The following ADAMTSL1 variants were observed in gnomAD, a reference collection of about 807,000 sequenced individuals.
The protein encoded by ADAMTSL1 is ADAMTS-like protein 1.
In ADAMTSL1, 126 loss-of-function variants were observed where a neutral mutation model predicts 201.8. The observed-to-expected ratio is 0.62, with a 90% CI of 0.54 to 0.72. The LOEUF (loss-of-function observed/expected upper bound fraction) is 0.72, where lower values mean the gene tolerates loss of function less well. Among genes scored for constraint, ADAMTSL1 ranks in the 30% least tolerant of loss-of-function variants. ADAMTSL1 has a pLI of 0.00. For missense variants in ADAMTSL1, 2,679 were observed against 2,277.8 expected, an observed-to-expected ratio of 1.18 and a Z score of -3.59; for synonymous variants, 1,121 against 903.4, an observed-to-expected ratio of 1.24 and a Z score of -4.32.
At chr9:18,305,810 G>C (rs1049095751) in intron 2 of ADAMTSL1, among the ~76,000 whole-genome samples, 2 of 152,162 alleles carry the variant, frequency 1.3e-5, no homozygotes, top group African/African-American at 4.8e-5. Context: ...CCTGCCTGTT[G>C]GCCTTGAAGA....
intron 1 of ADAMTSL1, among the ~76,000 whole-genome samples, chr9:18,063,151 C>G (rs1170044132): frequency 2.0e-5 from 3 of 151,958 alleles, no homozygotes; most frequent in Non-Finnish European, 2.9e-5. Context: ...GCCAGGAGTT[C>G]AAGACATAGT....
chr9:18,213,629 TC>T (rs1171159174), intron 2 of ADAMTSL1, among the ~76,000 whole-genome samples: 2 of 152,224 alleles, frequency 1.3e-5, no homozygotes, highest in African/African-American at 4.8e-5. Context: ...GAAATCTATT[TC>T]TTTGATATAT....
At chr9:18,747,763 A>T (rs6475242) in intron 15 of ADAMTSL1, among the ~76,000 whole-genome samples, 1 of 151,950 alleles carries the variant, frequency 6.6e-6, no homozygotes, top group East Asian at 1.9e-4. Flanking sequence ...ATGCATGGCT[A>T]AGGGTGCTCT....
At chr9:18,446,982 T>TTTTTTTTTTTTTTTTGAG (rs1563966224) in intron 2 of ADAMTSL1, among the ~76,000 whole-genome samples, 2 of 151,924 alleles carry the variant, frequency 1.3e-5, no homozygotes, top group African/African-American at 4.8e-5. Flanking sequence ...TTTTTTTTTT[T>TTTTTTTTTTTTTTTTGAG]AAACAAAACT....
At chr9:18,691,133 A>T (rs1479471051) in intron 13 of ADAMTSL1, among the ~76,000 whole-genome samples, 1 of 152,244 alleles carries the variant, frequency 6.6e-6, no homozygotes, top group Non-Finnish European at 1.5e-5. Flanking sequence ...ATATCATATC[A>T]TGAGAGAGTT....
chr9:18,417,383 A>AG (rs1413929271), intron 2 of ADAMTSL1, among the ~76,000 whole-genome samples: 10 of 123,010 alleles, frequency 8.1e-5, no homozygotes, highest in African/African-American at 2.6e-4. Context: ...AAAAAAAAAG[A>AG]AAAAAAAAAC....
intron 13 of ADAMTSL1, among the ~76,000 whole-genome samples, chr9:18,698,048 T>C (rs956128736): frequency 6.6e-5 from 10 of 152,248 alleles, no homozygotes; most frequent in African/African-American, 2.4e-4. Context: ...TTGTTCAGAT[T>C]TAATAACTTT....
At chr9:18,473,990 G>T (rs980356439), upstream of ADAMTSL1, 1 of 457,690 alleles carries the variant, frequency 2.2e-6, no homozygotes, top group Non-Finnish European at 3.9e-6. Flanking sequence ...TCCTGGCTTT[G>T]TTATTCAGCA....
intron 21 of ADAMTSL1, among the ~76,000 whole-genome samples, chr9:18,821,991 C>G (rs1824240116): frequency 6.6e-6 from 1 of 152,210 alleles, no homozygotes; most frequent in African/African-American, 2.4e-5. Flanking sequence ...CCCAGTATGA[C>G]TAAGCTCTTT....
intron 23 of ADAMTSL1, among the ~76,000 whole-genome samples, chr9:18,846,450 C>T (rs188724519): frequency 1.2e-4 from 19 of 152,214 alleles, no homozygotes; most frequent in Middle Eastern, 3.4e-3. Flanking sequence ...AATAGAAAAC[C>T]TTTCAAGAAC....
intron 15 of ADAMTSL1, among the ~76,000 whole-genome samples, chr9:18,732,804 C>T (rs978963548): frequency 6.6e-6 from 1 of 152,318 alleles, no homozygotes. Context: ...CATATCCTTG[C>T]TGACCTTCAC....
intron 2 of ADAMTSL1, among the ~76,000 whole-genome samples, chr9:18,221,213 T>A (rs1830246494): frequency 6.6e-6 from 1 of 152,234 alleles, no homozygotes; most frequent in South Asian, 2.1e-4. Flanking sequence ...TGCTTTGTTT[T>A]TAACCCCCGC....
intron 1 of ADAMTSL1, among the ~76,000 whole-genome samples, chr9:18,116,701 T>G (rs2131900541): frequency 6.6e-6 from 1 of 152,304 alleles, no homozygotes; most frequent in East Asian, 1.9e-4. Flanking sequence ...TTTTTATGGT[T>G]TAAATACTTT....
intron 2 of ADAMTSL1, among the ~76,000 whole-genome samples, chr9:18,446,408 T>C (rs1820194202): frequency 6.6e-6 from 1 of 152,270 alleles, no homozygotes; most frequent in Admixed American, 6.5e-5. Context: ...AAATTTGTTT[T>C]TGTTTCTTTA....
chr9:18,549,635 T>C (rs1368171411), intron 3 of ADAMTSL1, among the ~76,000 whole-genome samples: 2 of 152,034 alleles, frequency 1.3e-5, no homozygotes, highest in Non-Finnish European at 2.9e-5. Context: ...TCTGGGACTA[T>C]TGAACTTCCC....
intron 2 of ADAMTSL1, among the ~76,000 whole-genome samples, chr9:18,403,710 C>T (rs1219295265): frequency 1.3e-5 from 2 of 152,146 alleles, no homozygotes; most frequent in Non-Finnish European, 2.9e-5. Flanking sequence ...TGTCTTTCCT[C>T]ACCACACTGT....
At chr9:17,996,853 G>C (rs1819401621) in intron 1 of ADAMTSL1, among the ~76,000 whole-genome samples, 1 of 152,136 alleles carries the variant, frequency 6.6e-6, no homozygotes, top group Admixed American at 6.5e-5. Context: ...GGCAGCATTT[G>C]TTATTGCATA....
At chr9:18,139,008 C>A (rs1210541547) in intron 1 of ADAMTSL1, among the ~76,000 whole-genome samples, 1 of 152,072 alleles carries the variant, frequency 6.6e-6, no homozygotes, top group East Asian at 1.9e-4. Flanking sequence ...ACTAAGGAAC[C>A]TTGCAGGAGA....
chr9:18,751,189 C>T (rs1432073274), intron 15 of ADAMTSL1, among the ~76,000 whole-genome samples: 6 of 152,178 alleles, frequency 3.9e-5, no homozygotes, highest in African/African-American at 1.4e-4. Flanking sequence ...TTAACTCAAT[C>T]TAAGGGTTTA....
Sources: allele counts gnomAD v4.1 joint callset (sites outside exome capture counted in the v4.1 genomes callset), GRCh38; gene constraint gnomAD v4.1.1; transcripts MANE v1.5; gene names NCBI Gene and HGNC (gene_info 2026-07-23, HGNC 2026-07-21).